Variants in ALDH2 observed in about 807,000 individuals in gnomAD.
ALDH2 encodes the protein aldehyde dehydrogenase, mitochondrial.
In ALDH2, 44 loss-of-function variants were observed where a neutral mutation model predicts 59.6. The observed-to-expected ratio is 0.74, with a 90% CI of 0.58 to 0.95. ALDH2 has a LOEUF of 0.95. ALDH2 is among the 40% of genes least tolerant of loss of function. The pLI is 0.00. For missense variants in ALDH2, 570 were observed against 696.3 expected (o/e 0.82, Z 2.04); for synonymous variants, 291 against 284.0 (o/e 1.02, Z -0.25).
At chr12:111,794,485 A>G (rs1272796881) in intron 9 of ALDH2, among the ~76,000 whole-genome samples, 1 of 152,086 alleles carries the variant, frequency 6.6e-6, no homozygotes, top group Non-Finnish European at 1.5e-5. Context: ...GCCATGGGAC[A>G]GGGTTATGTG....
At chr12:111,796,622 G>A (rs1161835816) in intron 9 of ALDH2, among the ~76,000 whole-genome samples, 3 of 152,098 alleles carry the variant, frequency 2.0e-5, no homozygotes, top group African/African-American at 7.2e-5. Context: ...TAAAAAATAG[G>A]CTGGGTGTGG....
intron 4 of ALDH2, among the ~76,000 whole-genome samples, chr12:111,787,413 C>T (rs2068318429): frequency 6.6e-6 from 1 of 152,190 alleles, no homozygotes; most frequent in African/African-American, 2.4e-5. Flanking sequence ...TGATTCCAGC[C>T]AGGCTAAGCT....
chr12:111,800,102 A>T lies in ALDH2; in HGVS notation c.1406+39A>T, dbSNP rs146167264. The stretch of plus-strand genomic sequence containing the variant: ...AGCAGCCCCTCACAACCCAACAGAG[A>T]TTCCTCAAAGCCAGGGCCTACTGGA... On this transcript the variant is annotated intron_variant, in intron 11 of 12. Transcript: ENST00000261733. 1.8e-4 allele frequency: 280 copies of T among 1,571,884 alleles called. 2 individuals carry two copies. The Middle Eastern group carries it at 4.9e-3, about 28-fold the overall frequency.
chr12:111,800,081 G>A lies in ALDH2; in HGVS notation c.1406+18G>A, dbSNP rs2068439061. ...ACTGTGTGGTAAGAGCCTCCCAGCA[G>A]CCCCTCACAACCCAACAGAGATTCC... On this transcript the variant is annotated intron_variant, in intron 11 of 12. Transcript: ENST00000261733. 5 of 1,603,732 alleles carry A rather than the reference G, an allele frequency of 3.1e-6. No individual in the cohort carries two copies. The highest frequency in any genetic ancestry group is 4.3e-6 in the Non-Finnish European group (5 of 1,175,274).
At chr12:111,782,206 G>A (rs2068277918) in intron 2 of ALDH2, among the ~76,000 whole-genome samples, 184 bp downstream of exon 2, 1 of 152,238 alleles carries the variant, frequency 6.6e-6, no homozygotes, top group Non-Finnish European at 1.5e-5. Flanking sequence ...TTCACTTAGT[G>A]TAGAACTATA....
At chr12:111,769,133 T>C (rs2068180412) in intron 1 of ALDH2, among the ~76,000 whole-genome samples, 1 of 152,240 alleles carries the variant, frequency 6.6e-6, no homozygotes, top group Admixed American at 6.5e-5. Flanking sequence ...TCTCCAGATT[T>C]ACTCTGTGGG....
intron 9 of ALDH2, 39 bp downstream of exon 9, chr12:111,792,821 C>T: frequency 1.3e-6 from 2 of 1,527,102 alleles, no homozygotes; most frequent in Non-Finnish European, 1.8e-6. Context: ...GTGTCTAGAG[C>T]CAGCATGAGA....
Position 111,813,183 on chromosome 12 carries a change from G to C in ALDH2, c.*3608G>C, listed in dbSNP as rs574248853. ...AACCACCTAATCTCCCTGGGTATTC[G>C]GATGTGGGTCAGTCACAGGAGTATT... On this transcript the variant is annotated 3_prime_UTR_variant, in exon 13 of 13. Coordinates refer to ENST00000261733, the MANE Select transcript of ALDH2 (RefSeq NM_000690.4). The C allele has an allele frequency of 2.6e-5, 4 of 152,222 alleles. No individual in the cohort carries two copies. The East Asian group carries it at 5.8e-4, about 22-fold the overall frequency. The allele number at this position is 152,222 out of a possible 1,614,324, so 9.4% of individuals were successfully genotyped here.
chr12:111,783,041 A>G, intron 2 of ALDH2, 117 bp from the exon 3 acceptor site: 1 of 1,318,468 alleles, frequency 7.6e-7, no homozygotes, highest in South Asian at 1.5e-5. Flanking sequence ...TTTACGGGGC[A>G]GGTTTTCTGT....
chr12:111,805,573 C>A (rs1415505338), intron 12 of ALDH2, among the ~76,000 whole-genome samples: 1 of 152,120 alleles, frequency 6.6e-6, no homozygotes, highest in Admixed American at 6.5e-5. Flanking sequence ...GATTCTCCTG[C>A]CTTGGTCCCA....
At chr12:111,771,024 C>T (rs1002221613) in intron 1 of ALDH2, among the ~76,000 whole-genome samples, 8 of 152,000 alleles carry the variant, frequency 5.3e-5, no homozygotes, top group Non-Finnish European at 1.2e-4. Context: ...AAGCAATCTT[C>T]CCTCCTTGGC....
intron 1 of ALDH2, among the ~76,000 whole-genome samples, chr12:111,778,550 A>G (rs1297850233): frequency 1.5e-4 from 23 of 151,116 alleles, no homozygotes; most frequent in African/African-American, 5.6e-4. Context: ...TGTCTAAAAA[A>G]AAAGAAAAAA....
intron 12 of ALDH2, among the ~76,000 whole-genome samples, chr12:111,806,460 C>T (rs1266756206): frequency 6.6e-6 from 1 of 152,190 alleles, no homozygotes; most frequent in Non-Finnish European, 1.5e-5. Flanking sequence ...GTTGAGCTAG[C>T]CTTTCCAGGA....
rs13306163 is a variant in ALDH2, at chr12:111,781,892, G to A, written c.115-26G>A. On this transcript the variant is annotated intron_variant, in intron 1 of 12. Transcript: ENST00000261733. ...CAGTATTAGGTTGACAGCTGGTCCTGAGAACTTCTTTCCTTCTCATTGTAG... is the reference window on the plus strand; with the variant it reads ...CAGTATTAGGTTGACAGCTGGTCCTAAGAACTTCTTTCCTTCTCATTGTAG... 112 of 1,574,466 alleles carry A rather than the reference G, an allele frequency of 7.1e-5. 2 individuals are homozygous for A. The East Asian group carries it at 2.4e-3, about 34-fold the overall frequency.
chr12:111,768,684 A>T (rs754464682), intron 1 of ALDH2, among the ~76,000 whole-genome samples: 3 of 151,884 alleles, frequency 2.0e-5, no homozygotes, highest in Non-Finnish European at 4.4e-5. Context: ...AGTCTCTACT[A>T]AAAAAGTAAA....
chr12:111,781,041 A>G (rs911860956), intron 1 of ALDH2, among the ~76,000 whole-genome samples: 3 of 152,094 alleles, frequency 2.0e-5, no homozygotes, highest in Non-Finnish European at 4.4e-5. Flanking sequence ...CTTAAGAGGA[A>G]GAGGCTACAG....
At position 111,791,365 on chromosome 12, in the gene ALDH2, C is replaced by A; in HGVS notation, c.741C>A (p.Ala247=). ...IVPGFGPTAG[A]AIASHEDVDK... ...CTGGATTTGGCCCCACGGCTGGGGC[C>A]GCCATTGCCTCCCATGAGGATGTGG... Residue 247 remains alanine, a synonymous_variant, in exon 7 of 13, where the codon GCC becomes GCA. Transcript: ENST00000261733. The A allele has an allele frequency of 6.2e-7, 1 of 1,614,132 alleles. No individual in the cohort carries two copies.
chr12:111,803,984 G>T lies in ALDH2; in HGVS notation c.1521+11G>T. On this transcript the variant is annotated intron_variant, in intron 12 of 12. Transcript: ENST00000261733. ...ACTGAAGTGAAAACTGTGAGTGTGG[G>T]ACCTGCTGGGGGCTCAGGGCCTGTT... 2 of 1,593,042 alleles carry T rather than the reference G, an allele frequency of 1.3e-6. No individual in the cohort carries two copies. The highest frequency in any genetic ancestry group is 2.3e-5 in the South Asian group (2 of 88,754).
chr12:111,803,258 A>C (rs562621848), intron 11 of ALDH2, among the ~76,000 whole-genome samples: 1 of 151,000 alleles, frequency 6.6e-6, no homozygotes, highest in East Asian at 1.9e-4. Context: ...ATTCAAATAA[A>C]ATTTAATAAT....
Sources: gnomAD v4.1 joint callset for allele counts (sites outside exome capture counted in the v4.1 genomes callset) on GRCh38, gnomAD v4.1.1 for gene constraint, MANE v1.5 for transcripts, NCBI Gene and HGNC (gene_info 2026-07-23, HGNC 2026-07-21) for gene names.